Variants in PDGFD observed in about 807,000 individuals in gnomAD.
The protein encoded by PDGFD is platelet derived growth factor D, also known as platelet-derived growth factor D.
PDGFD carries 30 observed loss-of-function variants against 44.7 expected under a neutral mutation model. The ratio of observed to expected loss-of-function variants is 0.67; its 90% confidence interval spans 0.50 to 0.91. The LOEUF is 0.91. Ranked by LOEUF, PDGFD falls within the 40% of genes least tolerant of loss-of-function variation. The probability of loss-of-function intolerance (pLI) is 0.00; values close to 1 mark genes in which losing one functional copy is unlikely to be tolerated. For missense variants in PDGFD, 445 were observed against 457.8 expected (o/e 0.97, Z 0.25); for synonymous variants, 173 against 168.4 (o/e 1.03, Z -0.21).
rs991939660 is a variant in PDGFD, at chr11:104,040,133, A to T, written c.125-39878T>A. On this transcript the variant is annotated intron_variant, in intron 1 of 6. Coordinates refer to ENST00000393158, the MANE Select transcript of PDGFD (RefSeq NM_025208.5). ...CCACATTTAATCTTTCTGGCATGAG[A>T]TAAACTTTTTAATATATGAAATGAG... is the stretch of plus-strand genomic sequence containing the variant. Among the ~76,000 whole-genome samples the T allele has an allele frequency of 3.9e-5, 6 of 152,196 alleles. No individual in the cohort carries two copies. In the East Asian group the frequency reaches 1.2e-3, roughly 29 times the overall value.
chr11:104,113,037 A>C (rs1393721607), intron 1 of PDGFD, among the ~76,000 whole-genome samples: 1 of 152,174 alleles, frequency 6.6e-6, no homozygotes, highest in Non-Finnish European at 1.5e-5. Context: ...AAAGTTAAAA[A>C]AAAGAATAAG....
chr11:104,057,031 G>A (rs1203857494), intron 1 of PDGFD, among the ~76,000 whole-genome samples: 1 of 152,148 alleles, frequency 6.6e-6, no homozygotes, highest in African/African-American at 2.4e-5. Context: ...GGGAGGCTGA[G>A]GCAGGGGAAT....
intron 1 of PDGFD, among the ~76,000 whole-genome samples, chr11:104,084,354 G>GA (rs1861089975): frequency 6.6e-6 from 1 of 152,170 alleles, no homozygotes; most frequent in Non-Finnish European, 1.5e-5. Context: ...CTGAAACTGA[G>GA]ATGACATGAT....
intron 1 of PDGFD, among the ~76,000 whole-genome samples, chr11:104,074,826 GC>G (rs1860931776): frequency 1.3e-5 from 2 of 152,198 alleles, no homozygotes. Flanking sequence ...GGTGCTGATT[GC>G]CTGGGAGGGA....
At chr11:104,104,197 T>C (rs1288773709) in intron 1 of PDGFD, among the ~76,000 whole-genome samples, 3 of 152,206 alleles carry the variant, frequency 2.0e-5, no homozygotes, top group Non-Finnish European at 4.4e-5. Context: ...ATCTGTATAA[T>C]GTGTTTGTGT....
intron 1 of PDGFD, among the ~76,000 whole-genome samples, chr11:104,054,537 C>A (rs978763190): frequency 1.4e-5 from 2 of 141,078 alleles, no homozygotes; most frequent in Admixed American, 7.4e-5. Flanking sequence ...TAAAAATCAT[C>A]ACATGGGTGA....
intron 1 of PDGFD, among the ~76,000 whole-genome samples, chr11:104,100,466 T>C (rs1242139750): frequency 1.3e-5 from 2 of 152,136 alleles, no homozygotes; most frequent in African/African-American, 2.4e-5. Context: ...ATTGAGGCAA[T>C]AATTAATAGC....
intron 1 of PDGFD, among the ~76,000 whole-genome samples, chr11:104,138,599 T>C (rs1271976432): frequency 6.6e-6 from 1 of 152,232 alleles, no homozygotes; most frequent in African/African-American, 2.4e-5. Flanking sequence ...GGCCTGACTC[T>C]GCAGGTGTCT....
At position 103,909,553 on chromosome 11, in the gene PDGFD, G is replaced by T; in HGVS notation, c.*141C>A. Reference sequence around the variant, plus strand: ...ACTTGCCATGGCATTAACAAAGCAAGGCTGAGACTCAGCAACCACTTGTGT... The same window carrying T: ...ACTTGCCATGGCATTAACAAAGCAATGCTGAGACTCAGCAACCACTTGTGT... On this transcript the variant is annotated 3_prime_UTR_variant, in exon 7 of 7. Transcript: ENST00000393158. 2 of 1,055,258 alleles carry T rather than the reference G, an allele frequency of 1.9e-6. No homozygotes were observed. The highest frequency in any genetic ancestry group is 2.8e-6 in the Non-Finnish European group (2 of 709,904). The allele number at this position is 1,055,258 out of a possible 1,614,324, so 65.4% of individuals were successfully genotyped here. A position where few individuals can be genotyped will look rare whatever the true frequency, so the allele number is the denominator to read the frequency against.
At chr11:103,983,643 TG>T (rs1470581153) in intron 3 of PDGFD, among the ~76,000 whole-genome samples, 1 of 151,720 alleles carries the variant, frequency 6.6e-6, no homozygotes, top group Non-Finnish European at 1.5e-5. Flanking sequence ...ACCTACAGAA[TG>T]GGAGAAAATT....
At chr11:104,142,426 T>C (rs1197355459) in intron 1 of PDGFD, among the ~76,000 whole-genome samples, 1 of 152,160 alleles carries the variant, frequency 6.6e-6, no homozygotes, top group Non-Finnish European at 1.5e-5. Context: ...AACATATATA[T>C]GTACAGGAAT....
chr11:104,018,591 T>C (rs957904431), intron 1 of PDGFD, among the ~76,000 whole-genome samples: 2 of 152,194 alleles, frequency 1.3e-5, no homozygotes, highest in Non-Finnish European at 2.9e-5. Flanking sequence ...TCTGCCCAAC[T>C]CATATATCCC....
chr11:104,156,859 G>A (rs1278852954), intron 1 of PDGFD, among the ~76,000 whole-genome samples: 1 of 152,180 alleles, frequency 6.6e-6, no homozygotes, highest in Non-Finnish European at 1.5e-5. Context: ...TCCGCCTTTA[G>A]TTTTGATTTA....
At chr11:104,016,266 G>A (rs1036973100) in intron 1 of PDGFD, among the ~76,000 whole-genome samples, 2 of 152,156 alleles carry the variant, frequency 1.3e-5, no homozygotes, top group African/African-American at 4.8e-5. Flanking sequence ...TTTCTGTTCT[G>A]CCATCCTGAA....
intron 1 of PDGFD, among the ~76,000 whole-genome samples, chr11:104,054,602 G>C (rs1330415016): frequency 2.0e-5 from 3 of 152,196 alleles, no homozygotes; most frequent in Admixed American, 2.0e-4. Flanking sequence ...TGCAATTTGA[G>C]TAGAAGGGGA....
At chr11:104,020,258 G>A (rs553538836) in intron 1 of PDGFD, among the ~76,000 whole-genome samples, 1 of 152,186 alleles carries the variant, frequency 6.6e-6, no homozygotes, top group East Asian at 1.9e-4. Context: ...GTTAGGCCCT[G>A]CAGCTATTTC....
intron 1 of PDGFD, among the ~76,000 whole-genome samples, chr11:104,122,936 G>A (rs894017299): frequency 1.2e-4 from 18 of 152,084 alleles, no homozygotes; most frequent in African/African-American, 2.6e-4. Context: ...ATGTAAGGAC[G>A]AGGATTATTG....
intron 3 of PDGFD, among the ~76,000 whole-genome samples, chr11:103,987,664 T>C (rs140788102): frequency 3.5e-4 from 54 of 152,328 alleles, no homozygotes; most frequent in African/African-American, 1.2e-3. Flanking sequence ...AACTGCTACT[T>C]TTGAGTCCTT....
At chr11:103,986,358 G>A (rs7940993) in intron 3 of PDGFD, among the ~76,000 whole-genome samples, 11,627 of 152,164 alleles carry the variant, frequency 0.076, 1,087 homozygotes, top group African/African-American at 0.22. Context: ...CCAAAGGACC[G>A]TTACCAAAGA....
Sources: gnomAD v4.1 joint callset for allele counts (sites outside exome capture counted in the v4.1 genomes callset) on GRCh38, gnomAD v4.1.1 for gene constraint, MANE v1.5 for transcripts, NCBI Gene and HGNC (gene_info 2026-07-23, HGNC 2026-07-21) for gene names.